The following KCNH8 variants were observed in gnomAD, a reference collection of about 807,000 sequenced individuals.
KCNH8 encodes voltage-gated delayed rectifier potassium channel KCNH8.
In KCNH8, 70 loss-of-function variants were observed where a neutral mutation model predicts 103.6. The observed-to-expected ratio is 0.68, with a 90% confidence interval of 0.56 to 0.82. The LOEUF is 0.82. KCNH8 is among the 40% of genes least tolerant of loss of function. The pLI, the probability that KCNH8 is intolerant of heterozygous loss-of-function variation, is 0.00. For missense variants in KCNH8, 1,217 were observed against 1,329.9 expected (o/e 0.92, Z 1.32); for synonymous variants, 498 against 489.4 (o/e 1.02, Z -0.23).
intron 5 of KCNH8, among the ~76,000 whole-genome samples, chr3:19,379,451 C>T (rs540485018): frequency 3.3e-5 from 5 of 152,112 alleles, no homozygotes; most frequent in Admixed American, 1.3e-4. Context: ...ACCATCCTGG[C>T]CAACATGGTG....
intron 15 of KCNH8, among the ~76,000 whole-genome samples, chr3:19,521,017 T>C (rs1032224060): frequency 2.0e-5 from 3 of 152,024 alleles, no homozygotes; most frequent in Non-Finnish European, 2.9e-5. Flanking sequence ...TTTGACCACA[T>C]TGCCATTGCT....
At chr3:19,347,634 T>C in intron 4 of KCNH8, 91 bp from the exon 5 acceptor site, 1 of 1,457,302 alleles carries the variant, frequency 6.9e-7, no homozygotes, top group Admixed American at 1.8e-5. Context: ...TAGTGAATGA[T>C]CCTACTCACA....
At chr3:19,461,049 AT>A (rs750767034) in intron 11 of KCNH8, among the ~76,000 whole-genome samples, 2 of 152,198 alleles carry the variant, frequency 1.3e-5, no homozygotes, top group African/African-American at 2.4e-5. Context: ...TATTAGCGGC[AT>A]GAGAACAGAC....
intron 7 of KCNH8, among the ~76,000 whole-genome samples, chr3:19,431,020 T>C (rs1307430516): frequency 1.3e-5 from 2 of 152,156 alleles, no homozygotes; most frequent in African/African-American, 4.8e-5. Context: ...TCCAATAATA[T>C]GTTGAATAGG....
intron 3 of KCNH8, among the ~76,000 whole-genome samples, chr3:19,303,330 T>C (rs1306012440): frequency 6.6e-6 from 1 of 151,940 alleles, no homozygotes; most frequent in East Asian, 1.9e-4. Flanking sequence ...TTAAAAATAA[T>C]AGAAAAGACA....
intron 7 of KCNH8, among the ~76,000 whole-genome samples, chr3:19,426,222 A>G (rs142713869): frequency 2.0e-5 from 3 of 151,962 alleles, no homozygotes; most frequent in African/African-American, 7.2e-5. Context: ...CCCTTTTCCC[A>G]TTGTTGCTAT....
intron 7 of KCNH8, among the ~76,000 whole-genome samples, chr3:19,407,515 C>T (rs1280408273): frequency 1.3e-5 from 2 of 152,222 alleles, no homozygotes; most frequent in East Asian, 3.9e-4. Flanking sequence ...TGCCCCACCC[C>T]TCCTGTGAAG....
intron 7 of KCNH8, among the ~76,000 whole-genome samples, chr3:19,419,203 T>TG (rs1283249867): frequency 3.6e-5 from 5 of 138,834 alleles, no homozygotes; most frequent in Admixed American, 1.4e-4. Context: ...TGGTTTTTTT[T>TG]TTTTTTTTTT....
chr3:19,371,256 T>C (rs1286473233), intron 5 of KCNH8, among the ~76,000 whole-genome samples: 1 of 149,150 alleles, frequency 6.7e-6, no homozygotes, highest in Non-Finnish European at 1.5e-5. Flanking sequence ...TTTCTCCACA[T>C]CCTCTCCAGC....
At chr3:19,496,952 T>C (rs1381053524) in intron 11 of KCNH8, among the ~76,000 whole-genome samples, 2 of 152,138 alleles carry the variant, frequency 1.3e-5, no homozygotes, top group Admixed American at 1.3e-4. Flanking sequence ...TTTATCAGGT[T>C]CTTCTAGATT....
At chr3:19,240,253 A>G (rs1239721246) in intron 1 of KCNH8, among the ~76,000 whole-genome samples, 1 of 151,966 alleles carries the variant, frequency 6.6e-6, no homozygotes, top group Non-Finnish European at 1.5e-5. Flanking sequence ...GTTTTTACTT[A>G]CTTTCTAAAT....
At chr3:19,514,725 T>C (rs2068844261) in intron 13 of KCNH8, among the ~76,000 whole-genome samples, 1 of 151,848 alleles carries the variant, frequency 6.6e-6, no homozygotes, top group African/African-American at 2.4e-5. Context: ...GAGTTTTCTC[T>C]AAGTCTAGAG....
At chr3:19,386,426 A>G (rs531158740) in intron 5 of KCNH8, among the ~76,000 whole-genome samples, 36 of 152,212 alleles carry the variant, frequency 2.4e-4, no homozygotes, top group African/African-American at 8.4e-4. Context: ...ATGTATGGTA[A>G]TTCTGTATTA....
In KCNH8 at chr3:19,260,378, A is replaced by G. The variant is rs750338121; in HGVS notation, c.310+6491A>G. 2.1e-4 allele frequency among the ~76,000 whole-genome samples: 32 copies of G among 150,378 alleles called. 1 individual carries two copies. The highest frequency in any genetic ancestry group is 6.7e-4 in the Admixed American group (10 of 15,022). On this transcript the variant is annotated intron_variant, in intron 2 of 15. Coordinates refer to ENST00000328405, the MANE Select transcript of KCNH8 (RefSeq NM_144633.3). ...TAAAAAGGAAGCAAATTTCTTCATG[A>G]CCTTCCTCTTTTACAATGAGCTATT...
chr3:19,413,205 AAAAG>A (rs2066809939), intron 7 of KCNH8, among the ~76,000 whole-genome samples: 1 of 151,976 alleles, frequency 6.6e-6, no homozygotes, highest in Non-Finnish European at 1.5e-5. Flanking sequence ...AAAAAAAAAA[AAAAG>A]AATGAAATCA....
At chr3:19,355,399 T>C (rs1016077515) in intron 5 of KCNH8, among the ~76,000 whole-genome samples, 1 of 152,146 alleles carries the variant, frequency 6.6e-6, no homozygotes, top group African/African-American at 2.4e-5. Flanking sequence ...AACCAAAGGA[T>C]TATAAATCAT....
chr3:19,518,693 T>C (rs984610341), intron 15 of KCNH8, among the ~76,000 whole-genome samples: 1 of 152,070 alleles, frequency 6.6e-6, no homozygotes, highest in Non-Finnish European at 1.5e-5. Flanking sequence ...TTTTAGGATA[T>C]ATTTTCTTCC....
At chr3:19,448,454 T>C (rs2067395001) in intron 8 of KCNH8, among the ~76,000 whole-genome samples, 1 of 152,040 alleles carries the variant, frequency 6.6e-6, no homozygotes, top group South Asian at 2.1e-4. Context: ...TTTATAGACA[T>C]AGTGACCATT....
chr3:19,173,551 A>C (rs2063368734), intron 1 of KCNH8, among the ~76,000 whole-genome samples: 1 of 152,266 alleles, frequency 6.6e-6, no homozygotes, highest in African/African-American at 2.4e-5. Flanking sequence ...CGGATGTCTT[A>C]GCTCTGTGCC....
Sources: allele counts gnomAD v4.1 joint callset (sites outside exome capture counted in the v4.1 genomes callset), GRCh38; gene constraint gnomAD v4.1.1; transcripts MANE v1.5; gene names NCBI Gene and HGNC (gene_info 2026-07-23, HGNC 2026-07-21).